Variants in FSHR observed in about 807,000 individuals in gnomAD.
FSHR encodes follicle stimulating hormone receptor, also known as follicle-stimulating hormone receptor.
FSHR carries 46 observed loss-of-function variants against 52.1 expected under a neutral mutation model. That is an observed-to-expected ratio of 0.88 (90% CI 0.70 to 1.13). FSHR has a LOEUF of 1.13. Ranked by LOEUF, FSHR falls within the 50% of genes most tolerant of loss-of-function variation. FSHR has a pLI of 0.00. For missense variants in FSHR, 964 were observed against 834.6 expected (o/e 1.16, Z -1.91); for synonymous variants, 399 against 309.6 (o/e 1.29, Z -3.03).
chr2:49,015,906 T>C (rs1667473311), intron 4 of FSHR, among the ~76,000 whole-genome samples: 1 of 152,218 alleles, frequency 6.6e-6, no homozygotes, highest in Non-Finnish European at 1.5e-5. Flanking sequence ...CAAAGCCCTA[T>C]ACAACTGCAC....
chr2:49,056,294 G>A (rs1229336794), intron 2 of FSHR, among the ~76,000 whole-genome samples: 1 of 151,438 alleles, frequency 6.6e-6, no homozygotes, highest in Non-Finnish European at 1.5e-5. Flanking sequence ...ATTGAAAAAA[G>A]ATAATCCTTA....
intron 6 of FSHR, among the ~76,000 whole-genome samples, chr2:48,987,369 A>G (rs962884782): frequency 1.3e-5 from 2 of 150,916 alleles, no homozygotes; most frequent in Non-Finnish European, 2.9e-5. Flanking sequence ...ATGCCCAGCT[A>G]ATTTTTTTTT....
chr2:49,054,406 A>G (rs1295599105), intron 2 of FSHR, among the ~76,000 whole-genome samples: 3 of 152,130 alleles, frequency 2.0e-5, no homozygotes, highest in Non-Finnish European at 4.4e-5. Flanking sequence ...AAGACACACG[A>G]ACCCACATCA....
intron 1 of FSHR, among the ~76,000 whole-genome samples, chr2:49,133,299 G>A (rs1034809640): frequency 6.6e-6 from 1 of 152,116 alleles, no homozygotes; most frequent in Non-Finnish European, 1.5e-5. Flanking sequence ...TTGAGAATAT[G>A]GGTCTCTGAT....
chr2:49,062,066 G>A (rs7568778), intron 2 of FSHR, among the ~76,000 whole-genome samples: 52,410 of 151,312 alleles, frequency 0.35, 9,673 homozygotes, highest in East Asian at 0.49. Flanking sequence ...AATGGACTTA[G>A]CAGACATTTA....
At chr2:49,017,107 G>A (rs1272428976) in intron 4 of FSHR, among the ~76,000 whole-genome samples, 1 of 152,138 alleles carries the variant, frequency 6.6e-6, no homozygotes, top group Non-Finnish European at 1.5e-5. Context: ...TTTATCAAGG[G>A]AAAAATGCAT....
At chr2:49,059,999 C>T (rs571710334) in intron 2 of FSHR, among the ~76,000 whole-genome samples, 1 of 151,296 alleles carries the variant, frequency 6.6e-6, no homozygotes, top group East Asian at 1.9e-4. Context: ...GAAACTCAAA[C>T]AAAAAAATAC....
chr2:49,065,098 G>C (rs909646992), intron 2 of FSHR, among the ~76,000 whole-genome samples: 1 of 152,132 alleles, frequency 6.6e-6, no homozygotes, highest in Non-Finnish European at 1.5e-5. Flanking sequence ...ATGATGTCTG[G>C]TAATAATAGT....
At chr2:49,142,940 A>G (rs1183649558) in intron 1 of FSHR, among the ~76,000 whole-genome samples, 3 of 152,178 alleles carry the variant, frequency 2.0e-5, no homozygotes, top group African/African-American at 7.2e-5. Flanking sequence ...AAGGCAATTA[A>G]GTGTTACTAT....
At chr2:49,098,321 A>G (rs1229174918) in intron 1 of FSHR, among the ~76,000 whole-genome samples, 1 of 152,152 alleles carries the variant, frequency 6.6e-6, no homozygotes, top group East Asian at 1.9e-4. Context: ...CACATGATAA[A>G]TTTAGTGATA....
At chr2:49,024,617 A>G (rs1667856915) in intron 2 of FSHR, among the ~76,000 whole-genome samples, 1 of 152,178 alleles carries the variant, frequency 6.6e-6, no homozygotes, top group Non-Finnish European at 1.5e-5. Context: ...AATCAAAAAC[A>G]GAAACTTCTT....
intron 4 of FSHR, among the ~76,000 whole-genome samples, chr2:48,998,150 G>A (rs943307672): frequency 6.6e-6 from 1 of 151,906 alleles, no homozygotes; most frequent in African/African-American, 2.4e-5. Context: ...AAAAAGACAA[G>A]TGATCCAAAT....
At chr2:49,101,344 G>A (rs1671019150) in intron 1 of FSHR, among the ~76,000 whole-genome samples, 1 of 152,074 alleles carries the variant, frequency 6.6e-6, no homozygotes, top group Non-Finnish European at 1.5e-5. Flanking sequence ...AGTATAATAG[G>A]GTGGAGTCCC....
intron 6 of FSHR, among the ~76,000 whole-genome samples, chr2:48,988,147 A>G (rs911432052): frequency 2.6e-5 from 4 of 152,228 alleles, no homozygotes; most frequent in African/African-American, 9.6e-5. Flanking sequence ...TCTGAATCAT[A>G]CAACTGAAGG....
At position 49,111,783 on chromosome 2, in the gene FSHR, A is replaced by G. The variant is rs150092285; in HGVS notation, c.152+42483T>C. Among the ~76,000 whole-genome samples, 199 of 152,270 alleles carry G rather than the reference A, an allele frequency of 1.3e-3. 1 individual carries two copies. Among genetic ancestry groups the G allele is most frequent in the African/African-American group, 4.5e-3 (187 of 41,566 alleles). ...GGCTTAGTTGGCAGGGAAAATCTCCATATTCTTTATACTTTCCTACTGAGC... is the reference window on the plus strand; with the variant it reads ...GGCTTAGTTGGCAGGGAAAATCTCCGTATTCTTTATACTTTCCTACTGAGC... On this transcript the variant is annotated intron_variant, in intron 1 of 9. Transcript: ENST00000406846.
At chr2:49,062,449 A>G (rs1000415010) in intron 2 of FSHR, among the ~76,000 whole-genome samples, 38 of 152,326 alleles carry the variant, frequency 2.5e-4, no homozygotes, top group African/African-American at 8.9e-4. Flanking sequence ...AAGATCTGAA[A>G]CTATATAAAA....
chr2:48,990,539 T>C (rs1355661089), intron 5 of FSHR, 27 bp downstream of exon 5: 6 of 1,439,186 alleles, frequency 4.2e-6, no homozygotes, highest in Non-Finnish European at 5.9e-6. Flanking sequence ...AGTAAAGAGT[T>C]GGTAGTCACT....
At chr2:49,127,320 T>C (rs1672038097) in intron 1 of FSHR, among the ~76,000 whole-genome samples, 1 of 136,722 alleles carries the variant, frequency 7.3e-6, no homozygotes, top group African/African-American at 2.7e-5. Context: ...AGAGCAAGAC[T>C]TTGTCTAAGA....
intron 2 of FSHR, among the ~76,000 whole-genome samples, chr2:49,057,745 C>G (rs544231848): frequency 1.3e-5 from 2 of 152,222 alleles, no homozygotes; most frequent in East Asian, 1.9e-4. Context: ...GCCAATATCC[C>G]TGATGAAGAT....
Sources: gnomAD v4.1 joint callset for allele counts (sites outside exome capture counted in the v4.1 genomes callset) on GRCh38, gnomAD v4.1.1 for gene constraint, MANE v1.5 for transcripts, NCBI Gene and HGNC (gene_info 2026-07-23, HGNC 2026-07-21) for gene names.